The following KIF26B variants were observed in gnomAD, a reference collection of about 807,000 sequenced individuals.
The protein encoded by KIF26B is kinesin family member 26B.
Under a neutral mutation model 151.2 loss-of-function variants are expected in KIF26B, and 63 were observed. The observed-to-expected ratio is 0.42, with a 90% CI of 0.34 to 0.51. The LOEUF (loss-of-function observed/expected upper bound fraction) is 0.51. KIF26B is among the 20% of genes least tolerant of loss of function. The pLI, the probability that KIF26B is intolerant of heterozygous loss-of-function variation, is 0.07. For synonymous variants in KIF26B, 1,357 were observed against 1,262.1 expected (o/e 1.08, Z -1.59); for missense variants, 2,813 against 2,913.6 (o/e 0.97, Z 0.79).
At chr1:245,345,363 T>G (rs79890026) in intron 2 of KIF26B, among the ~76,000 whole-genome samples, 5,909 of 152,218 alleles carry the variant, frequency 0.039, 226 homozygotes, top group African/African-American at 0.098. Context: ...TCTAACCACC[T>G]CGAGCCTTGC....
At chr1:245,473,904 G>A (rs894635412) in intron 4 of KIF26B, among the ~76,000 whole-genome samples, 2 of 151,696 alleles carry the variant, frequency 1.3e-5, no homozygotes, top group African/African-American at 2.4e-5. Flanking sequence ...CATAATAGAG[G>A]TACATATTTT....
At chr1:245,449,289 G>A (rs751694848) in intron 4 of KIF26B, among the ~76,000 whole-genome samples, 1 of 152,138 alleles carries the variant, frequency 6.6e-6, no homozygotes, top group Non-Finnish European at 1.5e-5. Context: ...AAGAACCAGG[G>A]CATTTCTAAA....
In KIF26B at chr1:245,552,161, GT is replaced by G. The variant is rs1320667943; in HGVS notation, c.1350+11212del. The stretch of plus-strand genomic sequence containing the variant: ...TGTGTGTGTGTGTGTGTGTGTGTGT[GT>G]GTGTGTGTGGAGTGGGGGTGGGGGA... On this transcript the variant is annotated intron_variant, in intron 5 of 14. Coordinates refer to ENST00000407071, the MANE Select transcript of KIF26B (RefSeq NM_018012.4). 4.1e-5 allele frequency among the ~76,000 whole-genome samples: 6 copies of G among 147,298 alleles called. No individual in the cohort carries two copies. In the East Asian group the frequency reaches 1.2e-3, roughly 29 times the overall value.
intron 3 of KIF26B, among the ~76,000 whole-genome samples, chr1:245,402,995 G>A (rs1206135814): frequency 6.6e-6 from 1 of 152,118 alleles, no homozygotes; most frequent in Non-Finnish European, 1.5e-5. Flanking sequence ...TAGAAATGGG[G>A]TCTCACTCTG....
chr1:245,292,367 A>T (rs1558377851), intron 2 of KIF26B, among the ~76,000 whole-genome samples: 1 of 152,124 alleles, frequency 6.6e-6, no homozygotes. Context: ...TGCAACCCCC[A>T]TTCATTCTGA....
At chr1:245,199,652 TG>T (rs1442508328) in intron 2 of KIF26B, among the ~76,000 whole-genome samples, 1 of 152,108 alleles carries the variant, frequency 6.6e-6, no homozygotes. Context: ...CCAATTCCTT[TG>T]GTATGTTTAA....
intron 2 of KIF26B, among the ~76,000 whole-genome samples, chr1:245,364,422 C>CTTTTTTTTTT (rs763619030): frequency 1.0e-5 from 1 of 98,920 alleles, no homozygotes; most frequent in Non-Finnish European, 1.9e-5. Context: ...CTCTCTCTCT[C>CTTTTTTTTTT]TTTTTTTTTT....
At chr1:245,559,378 GT>G (rs1375401438) in intron 5 of KIF26B, among the ~76,000 whole-genome samples, 1 of 152,098 alleles carries the variant, frequency 6.6e-6, no homozygotes, top group Non-Finnish European at 1.5e-5. Context: ...AAGGAATTCT[GT>G]TTTTACTACG....
chr1:245,199,017 T>TGGGGG (rs1392562343), intron 2 of KIF26B, among the ~76,000 whole-genome samples: 3 of 55,576 alleles, frequency 5.4e-5, no homozygotes, highest in Admixed American at 1.8e-4. Flanking sequence ...GGGGACAGAC[T>TGGGGG]AGGTGGGGCC....
At chr1:245,168,275 G>A (rs2103520853) in intron 2 of KIF26B, among the ~76,000 whole-genome samples, 1 of 152,302 alleles carries the variant, frequency 6.6e-6, no homozygotes, top group South Asian at 2.1e-4. Flanking sequence ...CCGCCGCAGC[G>A]ACCTCCTTGT....
At chr1:245,442,167 A>G (rs1359444947) in intron 4 of KIF26B, among the ~76,000 whole-genome samples, 1 of 152,178 alleles carries the variant, frequency 6.6e-6, no homozygotes, top group African/African-American at 2.4e-5. Context: ...TCCTTAAGAA[A>G]CATACCCAGG....
Position 245,698,964 on chromosome 1 carries a change from C to A in KIF26B, c.6105C>A (p.Tyr2035Ter). ...QQRIAEVRAKYEWLMKELEAT... is the reference protein window; with the variant it reads ...QQRIAEVRAK ...GGATCGCCGAGGTCCGCGCGAAGTA[C>A]GAGTGGCTGATGAAGGAGCTGGAGG... The change falls in exon 14 of 15, where the codon TAC becomes TAA. Residue 2035 changes from tyrosine (Y) to a stop codon, truncating the protein, a stop_gained. Coordinates refer to ENST00000407071, the MANE Select transcript of KIF26B (RefSeq NM_018012.4). LOFTEE classifies it high-confidence loss of function. The surrounding 1 kb of genome is among the most constrained non-coding windows in gnomAD (Gnocchi z 4.0). The A allele has an allele frequency of 1.2e-6, 2 of 1,614,014 alleles. No homozygotes were observed. The highest frequency in any genetic ancestry group is 2.7e-5 in the African/African-American group (2 of 75,050).
intron 5 of KIF26B, among the ~76,000 whole-genome samples, chr1:245,565,598 G>A (rs6687243): frequency 0.42 from 63,954 of 151,996 alleles, 13,720 homozygotes; most frequent in African/African-American, 0.48. Flanking sequence ...CCTCTGATGC[G>A]TTCTTGCCGG....
intron 2 of KIF26B, among the ~76,000 whole-genome samples, chr1:245,196,156 AC>A (rs1466113732): frequency 1.6e-4 from 25 of 152,100 alleles, no homozygotes; most frequent in Admixed American, 1.6e-3. Flanking sequence ...CTGTAGGAAG[AC>A]CCCGTTTAAC....
chr1:245,306,511 T>C (rs971489781), intron 2 of KIF26B, among the ~76,000 whole-genome samples: 9 of 152,232 alleles, frequency 5.9e-5, no homozygotes, highest in African/African-American at 1.9e-4. Flanking sequence ...GGATGAATTA[T>C]ATTTCAATAG....
At chr1:245,561,561 C>A (rs1163905868) in intron 5 of KIF26B, among the ~76,000 whole-genome samples, 1 of 152,230 alleles carries the variant, frequency 6.6e-6, no homozygotes, top group Non-Finnish European at 1.5e-5. Context: ...TTACATACAA[C>A]AGCTCATTTA....
At chr1:245,677,350 C>G (rs1282559999) in intron 10 of KIF26B, among the ~76,000 whole-genome samples, 1 of 152,236 alleles carries the variant, frequency 6.6e-6, no homozygotes, top group Non-Finnish European at 1.5e-5. Context: ...ATTACACAAG[C>G]CAGAGTCACC....
chr1:245,690,744 G>GGC (rs1031684655), intron 12 of KIF26B, among the ~76,000 whole-genome samples: 252 of 151,838 alleles, frequency 1.7e-3, no homozygotes, highest in African/African-American at 5.7e-3. Context: ...TTTGCCTGGG[G>GGC]GGGGGGTATG....
chr1:245,647,950 G>T (rs1270569970), intron 10 of KIF26B, among the ~76,000 whole-genome samples: 1 of 152,208 alleles, frequency 6.6e-6, no homozygotes, highest in Admixed American at 6.5e-5. Flanking sequence ...CTGAGTTGAA[G>T]AATTATAGAG....
Sources: allele counts gnomAD v4.1 joint callset (sites outside exome capture counted in the v4.1 genomes callset), GRCh38; gene constraint gnomAD v4.1.1; non-coding constraint Gnocchi (gnomAD v3.1); transcripts MANE v1.5; gene names NCBI Gene and HGNC (gene_info 2026-07-23, HGNC 2026-07-21).